Variants in DGKB observed in about 807,000 individuals in gnomAD.
DGKB encodes the protein diacylglycerol kinase beta, also known as 90 kDa diacylglycerol kinase.
DGKB carries 67 observed loss-of-function variants against 114.3 expected under a neutral mutation model. The ratio of observed to expected loss-of-function variants is 0.59; its 90% CI spans 0.48 to 0.72. The LOEUF is 0.72. DGKB is among the 30% of genes least tolerant of loss of function. DGKB has a pLI of 0.00. For synonymous variants in DGKB, 398 were observed against 323.1 expected (o/e 1.23, Z -2.49); for missense variants, 907 against 975.2 (o/e 0.93, Z 0.93).
intron 1 of DGKB, among the ~76,000 whole-genome samples, chr7:14,866,176 C>T (rs1851681665): frequency 6.6e-6 from 1 of 152,124 alleles, no homozygotes; most frequent in African/African-American, 2.4e-5. Context: ...CATATCCCTG[C>T]CCATATACAT....
intron 1 of DGKB, among the ~76,000 whole-genome samples, chr7:14,868,505 T>G (rs970291288): frequency 1.7e-4 from 26 of 152,092 alleles, no homozygotes; most frequent in African/African-American, 6.0e-4. Flanking sequence ...CAGCTAATTT[T>G]GTGTATCTTC....
At chr7:14,153,646 C>G (rs1782555122) in intron 25 of DGKB, among the ~76,000 whole-genome samples, 1 of 152,018 alleles carries the variant, frequency 6.6e-6, no homozygotes, top group African/African-American at 2.4e-5. Flanking sequence ...CATTCCCTCT[C>G]TTTTTTGCCA....
intron 6 of DGKB, among the ~76,000 whole-genome samples, chr7:14,709,889 C>T (rs1160097450): frequency 2.7e-5 from 4 of 148,174 alleles, no homozygotes; most frequent in South Asian, 2.2e-4. Flanking sequence ...GTGGGTGCAG[C>T]GCACCAGCAT....
intron 17 of DGKB, among the ~76,000 whole-genome samples, chr7:14,590,719 A>T (rs773289929): frequency 6.6e-6 from 1 of 152,154 alleles, no homozygotes; most frequent in Admixed American, 6.6e-5. Flanking sequence ...CTCAGTTTCC[A>T]TAACTTTAGA....
rs578217544 is a variant in DGKB, at chr7:14,698,377, G to T, written c.517-208C>A. 2.6e-5 allele frequency among the ~76,000 whole-genome samples: 4 copies of T among 152,196 alleles called. No individual in the cohort carries two copies. The East Asian group carries it at 7.7e-4, about 29-fold the overall frequency. On this transcript the variant is annotated intron_variant, in intron 7 of 25. Coordinates refer to ENST00000402815, the MANE Select transcript of DGKB (RefSeq NM_001350709.2). The stretch of plus-strand genomic sequence containing the variant: ...TGAATATAAATTTATCTTGTACATT[G>T]TCTAGAAATTTTCACCAGGAGAGGG...
chr7:14,940,770 CCTTT>C (rs928175153), intron 1 of DGKB, among the ~76,000 whole-genome samples: 6 of 149,212 alleles, frequency 4.0e-5, no homozygotes, highest in Admixed American at 6.7e-5. Context: ...CTTTATTCTT[CCTTT>C]ATTTATTTAT....
chr7:14,145,271 G>A lies in DGKB; in HGVS notation c.*3860C>T, dbSNP rs1441905174. Reference sequence around the variant, plus strand: ...CTCACAAAATAAAAGCTCTTTTACAGGGTTTTATTTATTTATTTTCTTAAA... The same window carrying A: ...CTCACAAAATAAAAGCTCTTTTACAAGGTTTTATTTATTTATTTTCTTAAA... On this transcript the variant is annotated 3_prime_UTR_variant, in exon 26 of 26. Coordinates refer to ENST00000402815, the MANE Select transcript of DGKB (RefSeq NM_001350709.2). The A allele has an allele frequency of 1.3e-5, 2 of 151,850 alleles. No homozygotes were observed. Among genetic ancestry groups the A allele is most frequent in the Non-Finnish European group, 2.9e-5 (2 of 67,974 alleles). 9.4% of individuals were successfully genotyped at this position (151,850 alleles called of 1,614,324 possible). A position where few individuals can be genotyped will look rare whatever the true frequency, so the allele number is the denominator to read the frequency against.
At chr7:14,261,215 T>C (rs1796722888) in intron 23 of DGKB, among the ~76,000 whole-genome samples, 2 of 151,300 alleles carry the variant, frequency 1.3e-5, no homozygotes, top group African/African-American at 4.9e-5. Context: ...TTTAGACAAA[T>C]ATTACGGTGG....
At position 14,204,710 on chromosome 7, in the gene DGKB, C is replaced by T. The variant is rs376662831; in HGVS notation, c.2123-26559G>A. On this transcript the variant is annotated intron_variant, in intron 23 of 25. Transcript: ENST00000402815. ...TCTGGAAATTACAAAATAGCCAAGA[C>T]CTGTGTTGTCACAACAGGGCAGCAA... 3.3e-5 allele frequency among the ~76,000 whole-genome samples: 5 copies of T among 152,056 alleles called. No homozygotes were observed. In the South Asian group the frequency reaches 1.0e-3, roughly 32 times the overall value.
At chr7:14,394,631 C>T (rs1041142615) in intron 21 of DGKB, among the ~76,000 whole-genome samples, 2 of 151,582 alleles carry the variant, frequency 1.3e-5, no homozygotes, top group African/African-American at 4.8e-5. Context: ...ATATCTTCAC[C>T]TTTCTTCCTG....
At chr7:14,882,128 G>A (rs766840646) in intron 1 of DGKB, among the ~76,000 whole-genome samples, 3 of 151,912 alleles carry the variant, frequency 2.0e-5, no homozygotes, top group Non-Finnish European at 2.9e-5. Flanking sequence ...GTCTCAAAAA[G>A]ATTAATAGAG....
chr7:14,274,020 G>C (rs1478666738), intron 23 of DGKB, among the ~76,000 whole-genome samples: 1 of 152,134 alleles, frequency 6.6e-6, no homozygotes. Flanking sequence ...GATTATTCTA[G>C]ACCTCATGAC....
intron 14 of DGKB, among the ~76,000 whole-genome samples, chr7:14,622,659 G>A (rs901931502): frequency 6.6e-6 from 1 of 152,040 alleles, no homozygotes; most frequent in African/African-American, 2.4e-5. Context: ...TTATCTTTTT[G>A]TGCTTGGATT....
At position 14,630,330 on chromosome 7, in the gene DGKB, G is replaced by A. The variant is rs570710230; in HGVS notation, c.1135-62C>T. The stretch of plus-strand genomic sequence containing the variant: ...AGAGTCAAACTCAAAACAAATCAGT[G>A]AAGTTTCTCATATCATTACATGCCT... On this transcript the variant is annotated intron_variant, in intron 13 of 25. Coordinates refer to ENST00000402815, the MANE Select transcript of DGKB (RefSeq NM_001350709.2). 7 of 1,328,340 alleles carry A rather than the reference G, an allele frequency of 5.3e-6. No homozygotes were observed. In the East Asian group the frequency reaches 1.8e-4, roughly 35 times the overall value. The allele number at this position is 1,328,340 out of a possible 1,614,324, so 82.3% of individuals were successfully genotyped here. A position where few individuals can be genotyped will look rare whatever the true frequency, so the allele number is the denominator to read the frequency against.
At chr7:14,389,661 T>TA (rs1563082011) in intron 21 of DGKB, among the ~76,000 whole-genome samples, 1 of 152,166 alleles carries the variant, frequency 6.6e-6, no homozygotes, top group Non-Finnish European at 1.5e-5. Flanking sequence ...CAAAAACCTG[T>TA]AAAAAATGGA....
chr7:14,275,867 A>G (rs1032359464), intron 23 of DGKB, among the ~76,000 whole-genome samples: 3 of 152,212 alleles, frequency 2.0e-5, no homozygotes, highest in African/African-American at 7.2e-5. Flanking sequence ...TAACAGAATA[A>G]GCTGTCATTT....
chr7:14,874,496 G>C (rs573622307), intron 1 of DGKB, among the ~76,000 whole-genome samples: 3 of 151,682 alleles, frequency 2.0e-5, no homozygotes, highest in African/African-American at 7.3e-5. Context: ...AAAATCTTAC[G>C]AGATTATAGT....
chr7:14,716,682 G>A (rs1286529844), intron 6 of DGKB, among the ~76,000 whole-genome samples: 2 of 152,208 alleles, frequency 1.3e-5, no homozygotes, highest in East Asian at 1.9e-4. Context: ...GTGGTAAATT[G>A]TTAAGAAAGT....
chr7:14,837,130 A>C (rs1847270940), intron 2 of DGKB, among the ~76,000 whole-genome samples: 1 of 152,176 alleles, frequency 6.6e-6, no homozygotes, highest in African/African-American at 2.4e-5. Context: ...CATATAAAAC[A>C]CAGATATATT....
Sources: gnomAD v4.1 joint callset for allele counts (sites outside exome capture counted in the v4.1 genomes callset) on GRCh38, gnomAD v4.1.1 for gene constraint, MANE v1.5 for transcripts, NCBI Gene and HGNC (gene_info 2026-07-23, HGNC 2026-07-21) for gene names.